Variants in DNAH9 observed in about 807,000 individuals in gnomAD.
The protein encoded by DNAH9 is dynein axonemal heavy chain 9.
DNAH9 carries 345 observed loss-of-function variants against 471.6 expected under a neutral mutation model. That is an observed-to-expected ratio of 0.73 (90% confidence interval 0.67 to 0.80). The LOEUF (loss-of-function observed/expected upper bound fraction) is 0.80. Ranked by LOEUF, DNAH9 falls within the 30% of genes least tolerant of loss-of-function variation. DNAH9 has a pLI of 0.00. For synonymous variants in DNAH9, 2,093 were observed against 2,123.6 expected, an observed-to-expected ratio of 0.99 and a Z score of 0.40; for missense variants, 5,407 against 5,609.2, an observed-to-expected ratio of 0.96 and a Z score of 1.15.
At chr17:11,827,987 A>C (rs775109305) in intron 48 of DNAH9, among the ~76,000 whole-genome samples, 3 of 152,212 alleles carry the variant, frequency 2.0e-5, no homozygotes, top group African/African-American at 2.4e-5. Flanking sequence ...AACCATGAGA[A>C]GATCACTATT....
intron 2 of DNAH9, among the ~76,000 whole-genome samples, chr17:11,609,405 A>G (rs1278325192): frequency 6.6e-6 from 1 of 152,218 alleles, no homozygotes; most frequent in Non-Finnish European, 1.5e-5. Flanking sequence ...TTAACTTTGT[A>G]ACATTCAGTG....
intron 4 of DNAH9, among the ~76,000 whole-genome samples, chr17:11,615,726 G>A (rs1304053686): frequency 6.6e-6 from 1 of 152,096 alleles, no homozygotes; most frequent in East Asian, 1.9e-4. Context: ...TCAAGGCAAT[G>A]CTAATTAGTA....
chr17:11,621,906 C>G (rs1306878412), intron 6 of DNAH9, among the ~76,000 whole-genome samples: 1 of 126,238 alleles, frequency 7.9e-6, no homozygotes, highest in African/African-American at 3.0e-5. Context: ...ATGGTGAAAC[C>G]CCGTCTCTAC....
chr17:11,719,661 T>G lies in DNAH9; in HGVS notation c.5709+171T>G, dbSNP rs17602516. Among the ~76,000 whole-genome samples, 22,907 of 152,110 alleles carry G rather than the reference T, an allele frequency of 0.15. 1,947 individuals carry two copies. The highest frequency in any genetic ancestry group is 0.26 in the South Asian group (1,245 of 4,812). ...GTGGTAAAGTTGGACGTTTGAACCC[T>G]GGAGTTTTTTGGCCTCCCTATAAGG... On this transcript the variant is annotated intron_variant, in intron 27 of 68. Transcript: ENST00000262442.
At chr17:11,888,083 G>T (rs1366329962) in intron 57 of DNAH9, among the ~76,000 whole-genome samples, 1 of 151,612 alleles carries the variant, frequency 6.6e-6, no homozygotes, top group African/African-American at 2.4e-5. Context: ...CCCGGGTTGA[G>T]GCCATTCTCC....
intron 16 of DNAH9, 48 bp from the exon 17 acceptor site, chr17:11,669,322 C>T: frequency 1.3e-6 from 2 of 1,595,864 alleles, no homozygotes; most frequent in Non-Finnish European, 1.7e-6. Flanking sequence ...TCTCGAACTT[C>T]CTGCCACACA....
In DNAH9 at chr17:11,618,501, G is replaced by A. The variant is rs184139910; in HGVS notation, c.1116+879G>A. Among the ~76,000 whole-genome samples the A allele has an allele frequency of 1.2e-3, 176 of 151,354 alleles. 3 individuals are homozygous for A. In the East Asian group the frequency reaches 0.029, roughly 25 times the overall value. On this transcript the variant is annotated intron_variant, in intron 5 of 68. Coordinates refer to ENST00000262442, the MANE Select transcript of DNAH9 (RefSeq NM_001372.4). ...CTTGGGAGGCTGAGGCAGGAGAATC[G>A]CTTGAACCCGGGAGGCAGAAGTTGC...
chr17:11,925,150 A>T, intron 62 of DNAH9: 1 of 455,062 alleles, frequency 2.2e-6, no homozygotes, highest in Non-Finnish European at 4.4e-6. Flanking sequence ...TTCTCCACCA[A>T]ATTTTTTAGG....
rs770487783 is a variant in DNAH9 at position 11,679,872 on chromosome 17, G to C, written c.3469G>C (p.Glu1157Gln). The C allele has an allele frequency of 6.2e-6, 10 of 1,614,116 alleles. No homozygotes were observed. The South Asian group carries it at 9.9e-5, about 16-fold the overall frequency. ...CATGGGACACCTTATGGCTGTTAAA[G>C]AACGGCAGAGTAACACTGATGAGAT... ...EIMGHLMAVK[E>Q]RQSNTDEMFE... is the part of the protein sequence containing the mutation. The change falls in exon 18 of 69, where the codon GAA (glutamate) becomes CAA (glutamine). Residue 1157 changes from glutamate to glutamine, a missense_variant. Glu to Gln is a conservative substitution (Grantham distance 29, BLOSUM62 2). This residue lies in a region of DNAH9 where 4,636 missense variants were observed against 4,900.3 expected (regional missense o/e 0.95). Coordinates refer to ENST00000262442, the MANE Select transcript of DNAH9 (RefSeq NM_001372.4).
chr17:11,598,507 C>A lies in DNAH9; in HGVS notation c.9C>A (p.Leu3=), dbSNP rs2072305534. The change falls in exon 1 of 69, where the codon CTC becomes CTA. Residue 3 remains leucine, a synonymous_variant. Coordinates refer to ENST00000262442, the MANE Select transcript of DNAH9 (RefSeq NM_001372.4). ...GCTGGAGGCCGCGCGCGATGCGGCT[C>A]GCGGAGGAGCGGGCCGCGCTCGCGG... MR[L]AEERAALAAE... 2 of 1,353,718 alleles carry A rather than the reference C, an allele frequency of 1.5e-6. No individual in the cohort carries two copies. Among genetic ancestry groups the A allele is most frequent in the South Asian group, 1.7e-5 (1 of 57,946 alleles). The allele number at this position is 1,353,718 out of a possible 1,614,324, so 83.9% of individuals were successfully genotyped here.
Position 11,689,446 on chromosome 17 carries a change from G to A in DNAH9, c.3744-120G>A, listed in dbSNP as rs111957827. On this transcript the variant is annotated intron_variant, in intron 19 of 68. Transcript: ENST00000262442. ...CGTGAAAAGAATGTTTTTGGTGAAA[G>A]CCACTGCTCTTTCCTAAAACACCAA... The A allele has an allele frequency of 6.8e-3, 5,510 of 811,018 alleles. 229 individuals carry two copies. The African/African-American group carries it at 0.083, about 12-fold the overall frequency. 50.2% of individuals were successfully genotyped at this position (811,018 alleles called of 1,614,324 possible).
At position 11,875,018 on chromosome 17, in the gene DNAH9, T is replaced by C; in HGVS notation, c.10312T>C (p.Trp3438Arg). The change falls in exon 53 of 69, where the codon TGG becomes CGG. Residue 3438 changes from tryptophan to arginine, a missense_variant. Physicochemically the swap from Trp to Arg is moderately radical, Grantham distance 101. Coordinates refer to ENST00000262442, the MANE Select transcript of DNAH9 (RefSeq NM_001372.4). ...MLMDDADVAAWQNEGLPADRM... is the reference protein window; with the variant it reads ...MLMDDADVAARQNEGLPADRM... The stretch of plus-strand genomic sequence containing the variant: ...GATGGATGATGCTGACGTGGCTGCC[T>C]GGCAGAACGAGGGCCTCCCAGCCGA... The C allele has an allele frequency of 6.2e-7, 1 of 1,614,144 alleles. No homozygotes were observed. The highest frequency in any genetic ancestry group is 2.2e-5 in the East Asian group (1 of 44,870).
At chr17:11,852,727 G>A (rs1329384279) in intron 49 of DNAH9, among the ~76,000 whole-genome samples, 2 of 150,824 alleles carry the variant, frequency 1.3e-5, no homozygotes, top group African/African-American at 4.9e-5. Flanking sequence ...GGAATGAAGA[G>A]TGAGGCAGAG....
At chr17:11,602,410 GCTC>G (rs2072405315) in intron 1 of DNAH9, among the ~76,000 whole-genome samples, 2 of 152,146 alleles carry the variant, frequency 1.3e-5, no homozygotes, top group South Asian at 2.1e-4. Context: ...ACCCATCCTG[GCTC>G]CTCCTGGAGG....
Position 11,598,569 on chromosome 17 carries a change from GACTGC to G in DNAH9, c.72_76del (p.Leu25ThrfsTer25). On this transcript the variant is annotated frameshift_variant, in exon 1 of 69. Transcript: ENST00000262442. LOFTEE classifies it high-confidence loss of function. The stretch of plus-strand genomic sequence containing the variant: ...GATGGGGAACCCGGCGCCGACCGAC[GACTGC>G]GACTCCTGGGGACCTACGTGGCCAT... The G allele has an allele frequency of 7.1e-7, 1 of 1,406,122 alleles. No individual in the cohort carries two copies. The highest frequency in any genetic ancestry group is 1.5e-5 in the South Asian group (1 of 65,318). 87.1% of individuals were successfully genotyped at this position (1,406,122 alleles called of 1,614,324 possible). A position where few individuals can be genotyped will look rare whatever the true frequency, so the allele number is the denominator to read the frequency against.
chr17:11,905,159 G>A (rs1257825833), intron 60 of DNAH9, among the ~76,000 whole-genome samples: 3 of 151,848 alleles, frequency 2.0e-5, no homozygotes, highest in Non-Finnish European at 4.4e-5. Context: ...ACTTGAACCC[G>A]GGAGGCAGAG....
Position 11,652,975 on chromosome 17 carries a change from T to G in DNAH9, c.2568T>G (p.Ser856=), listed in dbSNP as rs1597437846. ...AATATTACAATCTCATCAAGGAATC[T>G]GGCCTTAAGATCCACGCCCTTGTTC... The part of the protein sequence containing the change: ...MEKYYNLIKE[S]GLKIHALVQE... The change falls in exon 14 of 69, where the codon TCT becomes TCG. Residue 856 remains serine (S), a synonymous_variant. Transcript: ENST00000262442. 3 of 1,614,050 alleles carry G rather than the reference T, an allele frequency of 1.9e-6. No homozygotes were observed. The highest frequency in any genetic ancestry group is 2.5e-6 in the Non-Finnish European group (3 of 1,180,016).
At chr17:11,627,648 T>C (rs2150668080) in intron 6 of DNAH9, among the ~76,000 whole-genome samples, 1 of 152,336 alleles carries the variant, frequency 6.6e-6, no homozygotes, top group Middle Eastern at 3.4e-3. Flanking sequence ...CTGCCACTTT[T>C]CCCACCATTA....
At chr17:11,655,251 A>G (rs962430635) in intron 14 of DNAH9, among the ~76,000 whole-genome samples, 1 of 151,802 alleles carries the variant, frequency 6.6e-6, no homozygotes, top group Admixed American at 6.6e-5. Context: ...TTGGTTTTCC[A>G]TTCCTGAGTT....
Sources: gnomAD v4.1 joint callset for allele counts (sites outside exome capture counted in the v4.1 genomes callset) on GRCh38, gnomAD v4.1.1 for gene constraint, gnomAD v4.1.1 regional missense constraint, MANE v1.5 for transcripts, NCBI Gene and HGNC (gene_info 2026-07-23, HGNC 2026-07-21) for gene names.